Variants in NSD2 observed in about 807,000 individuals in gnomAD.
NSD2 encodes nuclear receptor binding SET domain protein 2, also known as histone-lysine N-methyltransferase NSD2.
Under a neutral mutation model 139.0 loss-of-function variants are expected in NSD2, and 12 were observed. The ratio of observed to expected loss-of-function variants is 0.09; its 90% CI spans 0.06 to 0.14. NSD2 has a LOEUF of 0.14. Among genes scored for constraint, NSD2 ranks in the 10% least tolerant of loss-of-function variants. The pLI is 1.00. For synonymous variants in NSD2, 669 were observed against 648.7 expected, an observed-to-expected ratio of 1.03 and a Z score of -0.48; for missense variants, 1,155 against 1,745.0, an observed-to-expected ratio of 0.66 and a Z score of 6.02.
chr4:1,978,584 T>C (rs768087427), intron 21 of NSD2, 54 bp from the exon 22 acceptor site: 9 of 1,553,300 alleles, frequency 5.8e-6, no homozygotes, highest in Non-Finnish European at 7.9e-6. Flanking sequence ...CACGATAATG[T>C]TGAAGTCGTG....
chr4:1,893,555 TTTTTG>T (rs1434844180), intron 1 of NSD2, among the ~76,000 whole-genome samples: 12 of 147,916 alleles, frequency 8.1e-5, no homozygotes, highest in Admixed American at 2.0e-4. Context: ...TTTTTTTTTT[TTTTTG>T]TTTTGTTTTG....
At chr4:1,871,802 G>T (rs1176710101) in intron 1 of NSD2, among the ~76,000 whole-genome samples, 1 of 149,492 alleles carries the variant, frequency 6.7e-6, no homozygotes, top group Non-Finnish European at 1.5e-5. Flanking sequence ...AGGACCGGGC[G>T]GACCGCGGAG....
intron 18 of NSD2, among the ~76,000 whole-genome samples, chr4:1,964,458 C>T (rs780003200): frequency 3.9e-5 from 6 of 152,124 alleles, no homozygotes; most frequent in African/African-American, 7.2e-5. Context: ...GGCACAGCAG[C>T]GGCTACCCAT....
chr4:1,899,690 A>C (rs1254543435), intron 1 of NSD2, among the ~76,000 whole-genome samples: 1 of 152,112 alleles, frequency 6.6e-6, no homozygotes, highest in Non-Finnish European at 1.5e-5. Flanking sequence ...CCTTCACTAG[A>C]TGTCTCAGAT....
chr4:1,965,019 A>C (rs1283291769), intron 18 of NSD2, among the ~76,000 whole-genome samples: 1 of 147,872 alleles, frequency 6.8e-6, no homozygotes, highest in Non-Finnish European at 1.5e-5. Context: ...TAGAGTTACC[A>C]CATTATTAGA....
intron 1 of NSD2, among the ~76,000 whole-genome samples, chr4:1,894,418 C>T (rs1459999051): frequency 6.6e-6 from 1 of 152,096 alleles, no homozygotes; most frequent in Non-Finnish European, 1.5e-5. Flanking sequence ...AATTTGTTGG[C>T]TGGCTGAGGT....
intron 6 of NSD2, among the ~76,000 whole-genome samples, chr4:1,932,964 T>C (rs1721846358): frequency 6.6e-6 from 1 of 152,188 alleles, no homozygotes; most frequent in Non-Finnish European, 1.5e-5. Flanking sequence ...GAGGGGGGCC[T>C]CGAGAGTTTG....
intron 5 of NSD2, among the ~76,000 whole-genome samples, chr4:1,923,316 C>CA (rs34772768): frequency 0.098 from 6,045 of 61,820 alleles, 165 homozygotes; most frequent in East Asian, 0.18. Flanking sequence ...GACCCTGGCT[C>CA]AAAAAAAAAA....
rs185503523 is a variant in NSD2, at chr4:1,945,694, G to A, written c.1882-5378G>A. ...CAAATGAGGGAAAAGTCCTTGGCTC[G>A]TTTGATCCAGTTGAGTTGAAAGGGT... On this transcript the variant is annotated intron_variant, in intron 9 of 21. Coordinates refer to ENST00000508803, the MANE Select transcript of NSD2 (RefSeq NM_001042424.3). 1.4e-5 allele frequency: 15 copies of A among 1,062,980 alleles called. No homozygotes were observed. In the East Asian group the frequency reaches 2.0e-4, roughly 14 times the overall value. 65.8% of individuals were successfully genotyped at this position (1,062,980 alleles called of 1,614,324 possible). A position where few individuals can be genotyped will look rare whatever the true frequency, so the allele number is the denominator to read the frequency against.
At chr4:1,943,353 A>G (rs1723297431) in intron 9 of NSD2, 1 of 1,043,052 alleles carries the variant, frequency 9.6e-7, no homozygotes, top group Admixed American at 5.6e-5. Flanking sequence ...AACGCATGTA[A>G]GATGCTTAGG....
chr4:1,888,991 G>A (rs1451077555), intron 1 of NSD2, among the ~76,000 whole-genome samples: 1 of 150,772 alleles, frequency 6.6e-6, no homozygotes, highest in Non-Finnish European at 1.5e-5. Context: ...TCCACCTCCC[G>A]GGTTCAAGTG....
At chr4:1,921,913 C>T (rs188130234) in intron 5 of NSD2, among the ~76,000 whole-genome samples, 6 of 151,760 alleles carry the variant, frequency 4.0e-5, no homozygotes, top group Admixed American at 2.0e-4. Flanking sequence ...CTTTGGAGGC[C>T]GAGGTGGGTG....
At chr4:1,966,722 A>G (rs983157116) in intron 18 of NSD2, among the ~76,000 whole-genome samples, 3 of 151,910 alleles carry the variant, frequency 2.0e-5, no homozygotes, top group Admixed American at 2.0e-4. Context: ...TGGTATTGTA[A>G]TTTAGTTTGT....
chr4:1,902,908 C>G (rs1324244275), intron 2 of NSD2, among the ~76,000 whole-genome samples: 2 of 152,102 alleles, frequency 1.3e-5, no homozygotes, highest in East Asian at 3.9e-4. Flanking sequence ...GATGGGGTGG[C>G]TCACATCTGT....
intron 5 of NSD2, among the ~76,000 whole-genome samples, chr4:1,929,241 A>G (rs974055104): frequency 6.6e-6 from 1 of 151,978 alleles, no homozygotes; most frequent in African/African-American, 2.4e-5. Flanking sequence ...ATGGGAGGCT[A>G]TAAGAAGCCG....
Position 1,952,244 on chromosome 4 carries a change from G to T in NSD2, c.2137+13G>T, listed in dbSNP as rs768306892. On this transcript the variant is annotated intron_variant, in intron 11 of 21. Transcript: ENST00000508803. ...GAGTGTGCCTCAGGCAAGTTCCCACGGGCGGGCAGCTCTGCAGCCTGGCCG... is the reference window on the plus strand; with the variant it reads ...GAGTGTGCCTCAGGCAAGTTCCCACTGGCGGGCAGCTCTGCAGCCTGGCCG... The T allele has an allele frequency of 6.2e-7, 1 of 1,612,810 alleles. No individual in the cohort carries two copies.
At chr4:1,960,152 C>T (rs918056475) in intron 17 of NSD2, among the ~76,000 whole-genome samples, 15 of 152,196 alleles carry the variant, frequency 9.9e-5, no homozygotes, top group African/African-American at 3.4e-4. Flanking sequence ...AGCCTCTGTG[C>T]CTGACCTGAA....
rs769162551 is a variant in NSD2, at chr4:1,916,990, T to G, written c.880T>G (p.Cys294Gly). The change falls in exon 4 of 22, where the codon TGC (cysteine) becomes GGC (glycine). Residue 294 changes from cysteine to glycine, a missense_variant. Transcript: ENST00000508803. ...FEGEGQFEKLCQESAKQAPTK... is the reference protein window; with the variant it reads ...FEGEGQFEKLGQESAKQAPTK... ...AGGAGAAGGACAGTTTGAAAAATTA[T>G]GCCAGGAAAGTGCCAAGCAGGCACC... The G allele has an allele frequency of 3.1e-6, 5 of 1,614,136 alleles. No homozygotes were observed. Among genetic ancestry groups the G allele is most frequent in the Non-Finnish European group, 2.5e-6 (3 of 1,179,996 alleles).
In NSD2 at chr4:1,948,715, T is replaced by G. The variant is rs926095723; in HGVS notation, c.1882-2357T>G. 2 of 1,052,650 alleles carry G rather than the reference T, an allele frequency of 1.9e-6. No homozygotes were observed. Among genetic ancestry groups the G allele is most frequent in the African/African-American group, 3.3e-5 (2 of 60,184 alleles). 65.2% of individuals were successfully genotyped at this position (1,052,650 alleles called of 1,614,324 possible). On this transcript the variant is annotated intron_variant, in intron 9 of 21. Transcript: ENST00000508803. This position sits in a 1 kb window ranked among gnomAD's most constrained non-coding sequence, Gnocchi z 4.5. ...TCCATTCAAAATATGTATTCAGTGT[T>G]TATTTCCTCAAAACAGACTTTGTTA...
Sources: gnomAD v4.1 joint callset for allele counts (sites outside exome capture counted in the v4.1 genomes callset) on GRCh38, gnomAD v4.1.1 for gene constraint, Gnocchi (gnomAD v3.1) non-coding constraint, MANE v1.5 for transcripts, NCBI Gene and HGNC (gene_info 2026-07-23, HGNC 2026-07-21) for gene names.